ITGA1: variants seen among roughly 807,000 people sequenced by gnomAD.
ITGA1 encodes the protein integrin subunit alpha 1.
In ITGA1, 85 loss-of-function variants were observed where a neutral mutation model predicts 145.9. The ratio of observed to expected loss-of-function variants is 0.58; its 90% confidence interval spans 0.49 to 0.70. The LOEUF (loss-of-function observed/expected upper bound fraction) is 0.70, where lower values mean the gene tolerates loss of function less well. Ranked by LOEUF, ITGA1 falls within the 30% of genes least tolerant of loss-of-function variation. The probability of loss-of-function intolerance (pLI) is 0.00; values close to 1 mark genes in which losing one functional copy is unlikely to be tolerated. For synonymous variants in ITGA1, 520 were observed against 495.3 expected (o/e 1.05, Z -0.66); for missense variants, 1,351 against 1,418.7 (o/e 0.95, Z 0.77).
chr5:52,801,844 T>C (rs1445787954), intron 1 of ITGA1: 5 of 1,570,576 alleles, frequency 3.2e-6, no homozygotes, highest in African/African-American at 1.4e-5. Context: ...GGATTAATGA[T>C]TGAAACTTAA....
intron 6 of ITGA1, among the ~76,000 whole-genome samples, chr5:52,868,198 C>G (rs562869497): frequency 6.6e-6 from 1 of 152,262 alleles, no homozygotes; most frequent in South Asian, 2.1e-4. Context: ...ATACAGCCAT[C>G]TAAATATTTT....
intron 1 of ITGA1, among the ~76,000 whole-genome samples, chr5:52,813,709 C>T (rs1443016153): frequency 6.6e-6 from 1 of 152,170 alleles, no homozygotes; most frequent in Non-Finnish European, 1.5e-5. Context: ...GTCACATGCC[C>T]ACATTCTATG....
intron 1 of ITGA1, chr5:52,801,643 C>T (rs1748488455): frequency 6.2e-7 from 1 of 1,614,152 alleles, no homozygotes; most frequent in Non-Finnish European, 8.5e-7. Context: ...CTTCAGGCAT[C>T]AGGATGTAGC....
At chr5:52,899,470 C>T (rs1161856741) in intron 11 of ITGA1, among the ~76,000 whole-genome samples, 1 of 152,146 alleles carries the variant, frequency 6.6e-6, no homozygotes, top group Non-Finnish European at 1.5e-5. Context: ...TCTCTTAAGA[C>T]ATGTAGAACT....
intron 1 of ITGA1, among the ~76,000 whole-genome samples, chr5:52,789,300 T>C (rs966714835): frequency 1.3e-5 from 2 of 152,066 alleles, no homozygotes; most frequent in Admixed American, 1.3e-4. Flanking sequence ...TGAAAGAAAA[T>C]CACCTTATTA....
chr5:52,878,376 T>C (rs1238354675), intron 6 of ITGA1, among the ~76,000 whole-genome samples: 1 of 152,222 alleles, frequency 6.6e-6, no homozygotes, highest in Non-Finnish European at 1.5e-5. Flanking sequence ...ATGATAGAGA[T>C]GTAAAATTTA....
At chr5:52,811,462 A>C (rs188928577) in intron 1 of ITGA1, among the ~76,000 whole-genome samples, 1 of 152,304 alleles carries the variant, frequency 6.6e-6, no homozygotes, top group Non-Finnish European at 1.5e-5. Flanking sequence ...GTTTAAAAAG[A>C]ATCTTTTTTG....
At chr5:52,856,789 T>C (rs1749520663) in intron 2 of ITGA1, among the ~76,000 whole-genome samples, 1 of 152,130 alleles carries the variant, frequency 6.6e-6, no homozygotes, top group Non-Finnish European at 1.5e-5. Flanking sequence ...TTCCAATACT[T>C]AGTCACTTAA....
chr5:52,820,360 T>A (rs1286738582), intron 1 of ITGA1, among the ~76,000 whole-genome samples: 2 of 23,256 alleles, frequency 8.6e-5, no homozygotes, highest in African/African-American at 4.0e-4. Context: ...ACATCACACA[T>A]CAGGGCCTGT....
At chr5:52,951,687 C>T (rs1751223277) in intron 28 of ITGA1, among the ~76,000 whole-genome samples, 1 of 152,138 alleles carries the variant, frequency 6.6e-6, no homozygotes, top group Non-Finnish European at 1.5e-5. Flanking sequence ...GATTCCCTAC[C>T]ATCTCTAATG....
intron 1 of ITGA1, among the ~76,000 whole-genome samples, chr5:52,826,262 C>T (rs1431518664): frequency 1.3e-5 from 2 of 152,184 alleles, no homozygotes; most frequent in African/African-American, 4.8e-5. Flanking sequence ...AAGCCAAAGC[C>T]TAATCCAAAG....
At chr5:52,942,193 C>T (rs998616305) in intron 26 of ITGA1, among the ~76,000 whole-genome samples, 11 of 152,068 alleles carry the variant, frequency 7.2e-5, no homozygotes, top group Admixed American at 2.6e-4. Flanking sequence ...TAGTAGAGTT[C>T]GAAGTCAGGC....
chr5:52,816,248 G>A (rs1748765496), intron 1 of ITGA1, among the ~76,000 whole-genome samples: 2 of 152,140 alleles, frequency 1.3e-5, no homozygotes, highest in South Asian at 4.1e-4. Flanking sequence ...TGCACATCGA[G>A]CATATTTTAA....
chr5:52,816,548 G>T (rs916056583), intron 1 of ITGA1, among the ~76,000 whole-genome samples: 3 of 152,098 alleles, frequency 2.0e-5, no homozygotes, highest in African/African-American at 7.2e-5. Flanking sequence ...CTACTGAATG[G>T]ACATTTTGTT....
intron 11 of ITGA1, 34 bp from the exon 12 acceptor site, chr5:52,905,729 C>T (rs771623294): frequency 8.8e-6 from 14 of 1,596,678 alleles, no homozygotes; most frequent in East Asian, 2.2e-5. Context: ...CTTTAAGGGT[C>T]CAGGTGGTAT....
rs1579726783 is a variant in ITGA1 at position 52,931,850 on chromosome 5, G to C, written c.2772-197G>C. On this transcript the variant is annotated intron_variant, in intron 21 of 28. Coordinates refer to ENST00000282588, the MANE Select transcript of ITGA1 (RefSeq NM_181501.2). Reference sequence around the variant, plus strand: ...GATTGTCAAGTCTAGTCGCACATCAGAATCAACTTGGGAACTTTCAACCAT... The same window carrying C: ...GATTGTCAAGTCTAGTCGCACATCACAATCAACTTGGGAACTTTCAACCAT... 6.9e-5 allele frequency: 31 copies of C among 450,568 alleles called. No homozygotes were observed. In the East Asian group the frequency reaches 1.1e-3, roughly 16 times the overall value. The allele number at this position is 450,568 out of a possible 1,614,324, so 27.9% of individuals were successfully genotyped here.
In ITGA1 at chr5:52,865,687, C is replaced by T; in HGVS notation, c.497-3C>T. The T allele has an allele frequency of 1.3e-6, 2 of 1,522,408 alleles. No individual in the cohort carries two copies. The highest frequency in any genetic ancestry group is 5.0e-5 in the East Asian group (2 of 39,672). The allele number at this position is 1,522,408 out of a possible 1,614,324, so 94.3% of individuals were successfully genotyped here. A position where few individuals can be genotyped will look rare whatever the true frequency, so the allele number is the denominator to read the frequency against. Reference sequence around the variant, plus strand: ...ATTTGACAATTGACTCCTTTTATTGCAGAATGCAGCACTCAACTGGACATA... The same window carrying T: ...ATTTGACAATTGACTCCTTTTATTGTAGAATGCAGCACTCAACTGGACATA... On this transcript the variant is annotated splice_region_variant and splice_polypyrimidine_tract_variant and intron_variant, in intron 5 of 28. Coordinates refer to ENST00000282588, the MANE Select transcript of ITGA1 (RefSeq NM_181501.2).
chr5:52,869,133 T>C (rs915385190), intron 6 of ITGA1, among the ~76,000 whole-genome samples: 20 of 152,188 alleles, frequency 1.3e-4, no homozygotes, highest in Non-Finnish European at 2.4e-4. Flanking sequence ...GCCTGCATTA[T>C]ATATAAGCAA....
At chr5:52,807,261 G>GT (rs1748602060) in intron 1 of ITGA1, among the ~76,000 whole-genome samples, 1 of 152,142 alleles carries the variant, frequency 6.6e-6, no homozygotes, top group Non-Finnish European at 1.5e-5. Context: ...CCCAGGGTTG[G>GT]TACCACTGTC....
Sources: allele counts gnomAD v4.1 joint callset (sites outside exome capture counted in the v4.1 genomes callset), GRCh38; gene constraint gnomAD v4.1.1; transcripts MANE v1.5; gene names NCBI Gene and HGNC (gene_info 2026-07-23, HGNC 2026-07-21).